The following PCDHGA3 variants were observed in gnomAD, a reference collection of about 807,000 sequenced individuals.
The protein encoded by PCDHGA3 is protocadherin gamma subfamily A, 3.
In PCDHGA3, 40 loss-of-function variants were observed where a neutral mutation model predicts 58.5. That is an observed-to-expected ratio of 0.68 (90% CI 0.53 to 0.89). The LOEUF is 0.89. Among genes scored for constraint, PCDHGA3 ranks in the 40% least tolerant of loss-of-function variants. The pLI is 0.00. For missense variants in PCDHGA3, 1,223 were observed against 1,195.9 expected (o/e 1.02, Z -0.33); for synonymous variants, 530 against 525.7 (o/e 1.01, Z -0.11).
At chr5:141,403,226 C>T (rs1329726577) in intron 1 of PCDHGA3, 1 of 1,613,926 alleles carries the variant, frequency 6.2e-7, no homozygotes, top group South Asian at 1.1e-5. Flanking sequence ...TAGGATAGAC[C>T]GGGAGGAGCT....
intron 1 of PCDHGA3, chr5:141,357,188 C>A: frequency 1.2e-6 from 2 of 1,613,782 alleles, no homozygotes; most frequent in Non-Finnish European, 1.7e-6. Context: ...CTCACTGTGG[C>A]TGTGGCCGAC....
chr5:141,398,868 CAG>C, intron 1 of PCDHGA3: 1 of 1,613,982 alleles, frequency 6.2e-7, no homozygotes, highest in Non-Finnish European at 8.5e-7. Flanking sequence ...GAGACGTGTA[CAG>C]AGTCAGCCTT....
intron 1 of PCDHGA3, chr5:141,365,325 A>T (rs372623504): frequency 2.5e-6 from 4 of 1,613,990 alleles, no homozygotes; most frequent in Admixed American, 1.7e-5. Context: ...GCCAGCGCTA[A>T]GGTGGTGGTC....
intron 1 of PCDHGA3, among the ~76,000 whole-genome samples, chr5:141,438,211 A>G (rs767576436): frequency 7.8e-4 from 119 of 152,308 alleles, no homozygotes; most frequent in Admixed American, 2.3e-3. Context: ...CCATATGGGA[A>G]GGGCTCTGGT....
chr5:141,409,736 G>A (rs1053484390), intron 1 of PCDHGA3: 3 of 1,613,110 alleles, frequency 1.9e-6, no homozygotes, highest in Non-Finnish European at 2.5e-6. Flanking sequence ...CGCGCAGAGC[G>A]GGGTGGTGTT....
At chr5:141,495,499 C>T (rs918858395) in intron 2 of PCDHGA3, among the ~76,000 whole-genome samples, 13 of 152,162 alleles carry the variant, frequency 8.5e-5, no homozygotes, top group African/African-American at 2.9e-4. Context: ...CTTGAGTTTC[C>T]GTCTTTGCCA....
In PCDHGA3 at chr5:141,476,348, G is replaced by T. The variant is rs764669470; in HGVS notation, c.2425-18459G>T. On this transcript the variant is annotated intron_variant, in intron 1 of 3. Transcript: ENST00000253812. This position sits in a 1 kb window ranked among gnomAD's most constrained non-coding sequence, Gnocchi z 7.6. ...GTCTGGAGCTAGCCGAAGATTCTTTGAGGTGAACCGGGAGACCGGAGAGAT... is the reference window on the plus strand; with the variant it reads ...GTCTGGAGCTAGCCGAAGATTCTTTTAGGTGAACCGGGAGACCGGAGAGAT... 1 of 1,614,190 alleles carries T rather than the reference G, an allele frequency of 6.2e-7. No individual in the cohort carries two copies. The highest frequency in any genetic ancestry group is 8.5e-7 in the Non-Finnish European group (1 of 1,180,032).
intron 2 of PCDHGA3, among the ~76,000 whole-genome samples, chr5:141,495,521 C>G (rs1385879589): frequency 6.6e-6 from 1 of 152,144 alleles, no homozygotes; most frequent in Non-Finnish European, 1.5e-5. Flanking sequence ...TTTCTCTTAC[C>G]TCTCAGTCCT....
At position 141,366,626 on chromosome 5, in the gene PCDHGA3, A is replaced by G. The variant is rs762991853; in HGVS notation, c.2424+20169A>G. ...CTCCCTCACCGCGGACTCGAGGAAG[A>G]GTCACCTGATCTTTCCCCAGCCCAA... On this transcript the variant is annotated intron_variant, in intron 1 of 3. Coordinates refer to ENST00000253812, the MANE Select transcript of PCDHGA3 (RefSeq NM_018916.4). 9 of 1,614,244 alleles carry G rather than the reference A, an allele frequency of 5.6e-6. No individual in the cohort carries two copies. The South Asian group carries it at 9.9e-5, about 18-fold the overall frequency.
At chr5:141,454,092 T>C (rs552760379) in intron 1 of PCDHGA3, among the ~76,000 whole-genome samples, 2 of 152,316 alleles carry the variant, frequency 1.3e-5, no homozygotes, top group East Asian at 3.9e-4. Flanking sequence ...GAAATTTGAA[T>C]TGAACATAAA....
intron 3 of PCDHGA3, chr5:141,507,089 C>T (rs564539147): frequency 2.0e-5 from 3 of 152,298 alleles, no homozygotes; most frequent in Admixed American, 1.3e-4. Context: ...TAAGTTTATG[C>T]TCTTTCTACT....
intron 1 of PCDHGA3, chr5:141,416,047 A>T (rs2095986655): frequency 1.6e-5 from 3 of 187,858 alleles, no homozygotes; most frequent in Non-Finnish European, 3.2e-5. Context: ...TGGAAACACA[A>T]CCCAAATCCA....
chr5:141,511,711 T>G lies in PCDHGA3; in HGVS notation c.*538T>G. 1 of 185,916 alleles carries G rather than the reference T, an allele frequency of 5.4e-6. No individual in the cohort carries two copies. Among genetic ancestry groups the G allele is most frequent in the South Asian group, 1.1e-4 (1 of 8,818 alleles). The allele number at this position is 185,916 out of a possible 1,614,324, so 11.5% of individuals were successfully genotyped here. A position where few individuals can be genotyped will look rare whatever the true frequency, so the allele number is the denominator to read the frequency against. Reference sequence around the variant, plus strand: ...GTTTGGTGCCAGCCCCTTCACCTCCTTCCAGAGCCCAAGATCAATGCTCAA... The same window carrying G: ...GTTTGGTGCCAGCCCCTTCACCTCCGTCCAGAGCCCAAGATCAATGCTCAA... On this transcript the variant is annotated 3_prime_UTR_variant, in exon 4 of 4. Transcript: ENST00000253812.
chr5:141,384,053 C>T (rs1329974843), intron 1 of PCDHGA3: 1 of 1,610,750 alleles, frequency 6.2e-7, no homozygotes, highest in Non-Finnish European at 8.5e-7. Context: ...GTGACCTGCA[C>T]CATTCCAGAA....
intron 1 of PCDHGA3, chr5:141,409,182 T>C: frequency 6.2e-7 from 1 of 1,614,006 alleles, no homozygotes; most frequent in East Asian, 2.2e-5. Context: ...GGAGGTGGTC[T>C]CTCTACCCAG....
intron 1 of PCDHGA3, chr5:141,355,182 A>G: frequency 6.3e-7 from 1 of 1,584,970 alleles, no homozygotes; most frequent in South Asian, 1.1e-5. Flanking sequence ...AGCACAGGCG[A>G]CTCCGCGGCG....
intron 1 of PCDHGA3, among the ~76,000 whole-genome samples, chr5:141,433,534 C>T (rs2097618995): frequency 6.6e-6 from 1 of 152,088 alleles, no homozygotes; most frequent in Admixed American, 6.5e-5. Context: ...GTGCCCCGCC[C>T]TTATCAGATA....
At chr5:141,421,578 T>C in intron 1 of PCDHGA3, 4 of 1,613,886 alleles carry the variant, frequency 2.5e-6, no homozygotes, top group Non-Finnish European at 3.4e-6. Flanking sequence ...CCTTGAAGAT[T>C]TACGGAGTGG....
At position 141,346,028 on chromosome 5, in the gene PCDHGA3, C is replaced by T. The variant is rs1284650438; in HGVS notation, c.1995C>T (p.Ala665=). The change falls in exon 1 of 4, where the codon GCC becomes GCT. Residue 665 remains alanine, a synonymous_variant. Transcript: ENST00000253812. ...CTGTCACGCTCACCGTGGCCGTGGCCGACAGGATCCCCGACATCCTGGCCG... is the reference window on the plus strand; with the variant it reads ...CTGTCACGCTCACCGTGGCCGTGGCTGACAGGATCCCCGACATCCTGGCCG... ...SATVTLTVAV[A]DRIPDILADL... 4 of 1,613,330 alleles carry T rather than the reference C, an allele frequency of 2.5e-6. No homozygotes were observed. The highest frequency in any genetic ancestry group is 2.2e-5 in the South Asian group (2 of 91,030).
Sources: allele counts gnomAD v4.1 joint callset (sites outside exome capture counted in the v4.1 genomes callset), GRCh38; gene constraint gnomAD v4.1.1; non-coding constraint Gnocchi (gnomAD v3.1); transcripts MANE v1.5; gene names NCBI Gene and HGNC (gene_info 2026-07-23, HGNC 2026-07-21).